Variants in STK31 observed in about 807,000 individuals in gnomAD.
STK31 encodes the protein serine/threonine-protein kinase 31.
STK31 carries 89 observed loss-of-function variants against 129.7 expected under a neutral mutation model. The ratio of observed to expected loss-of-function variants is 0.69; its 90% CI spans 0.58 to 0.82. The LOEUF (loss-of-function observed/expected upper bound fraction) is 0.82. STK31 is among the 40% of genes least tolerant of loss of function. The pLI is 0.00. For missense variants in STK31, 1,187 were observed against 1,176.4 expected (o/e 1.01, Z -0.13); for synonymous variants, 448 against 395.3 (o/e 1.13, Z -1.58).
chr7:23,794,353 CT>C (rs1365884943), intron 22 of STK31, among the ~76,000 whole-genome samples: 1 of 152,190 alleles, frequency 6.6e-6, no homozygotes, highest in African/African-American at 2.4e-5. Flanking sequence ...TTTACTTCCC[CT>C]TCTGCCATGA....
chr7:23,810,483 G>T, intron 22 of STK31, among the ~76,000 whole-genome samples: 1 of 50,850 alleles, frequency 2.0e-5, no homozygotes, highest in East Asian at 4.1e-4. Flanking sequence ...TTCCCTTCCT[G>T]TGCATTACTT....
Position 23,723,940 on chromosome 7 carries a change from C to T in STK31, c.250-3301C>T, listed in dbSNP as rs547755456. 3.9e-5 allele frequency among the ~76,000 whole-genome samples: 6 copies of T among 152,262 alleles called. No individual in the cohort carries two copies. In the South Asian group the frequency reaches 1.2e-3, roughly 32 times the overall value. On this transcript the variant is annotated intron_variant, in intron 4 of 23. Coordinates refer to ENST00000355870, the MANE Select transcript of STK31 (RefSeq NM_031414.5). ...CTGGCGGCCAAAGAGACGGCTAATG[C>T]TCAAAATTCTCTCGGCCCGGAGGAA...
chr7:23,770,167 CTCTT>C (rs1790094648), intron 13 of STK31, among the ~76,000 whole-genome samples: 1 of 152,026 alleles, frequency 6.6e-6, no homozygotes, highest in Non-Finnish European at 1.5e-5. Context: ...AGTGGTCATC[CTCTT>C]TCTTTCTCCA....
chr7:23,787,288 G>A (rs1448879661), intron 20 of STK31, among the ~76,000 whole-genome samples: 1 of 152,146 alleles, frequency 6.6e-6, no homozygotes, highest in African/African-American at 2.4e-5. Flanking sequence ...GTCATTGTAA[G>A]TTTAGGATTA....
chr7:23,818,042 T>C (rs1262127408), intron 23 of STK31, among the ~76,000 whole-genome samples: 1 of 152,100 alleles, frequency 6.6e-6, no homozygotes, highest in African/African-American at 2.4e-5. Flanking sequence ...TACACAGTTA[T>C]CACACCTTAT....
chr7:23,762,441 A>C (rs933278101), intron 10 of STK31, among the ~76,000 whole-genome samples: 1 of 152,082 alleles, frequency 6.6e-6, no homozygotes, highest in Admixed American at 6.6e-5. Context: ...CTGGTGTTTA[A>C]GTGTATCTTG....
chr7:23,773,500 C>G (rs1309519034), intron 15 of STK31, among the ~76,000 whole-genome samples: 1 of 152,124 alleles, frequency 6.6e-6, no homozygotes, highest in African/African-American at 2.4e-5. Context: ...CTGCAGTAAA[C>G]CTACATGTGC....
At chr7:23,752,971 G>T in intron 9 of STK31, 139 bp downstream of exon 9, 1 of 614,282 alleles carries the variant, frequency 1.6e-6, no homozygotes, top group African/African-American at 1.9e-5. Context: ...GAGAAAGATA[G>T]TTATTTCTGA....
At chr7:23,776,545 T>A (rs1234184697) in intron 15 of STK31, among the ~76,000 whole-genome samples, 2 of 152,238 alleles carry the variant, frequency 1.3e-5, no homozygotes, top group African/African-American at 4.8e-5. Flanking sequence ...GACTTCTTCC[T>A]GATTTAGTCT....
chr7:23,810,283 A>G lies in STK31; in HGVS notation c.2761-4861A>G, dbSNP rs76879905. 8.2e-3 allele frequency among the ~76,000 whole-genome samples: 1,244 copies of G among 151,942 alleles called. 15 individuals carry two copies. The highest frequency in any genetic ancestry group is 0.012 in the South Asian group (59 of 4,824). ...ATCCGTTTACTCCAAAGGTACCTAC[A>G]TTGTTGAATTTGGAGTAAGTTTCTT... is the stretch of plus-strand genomic sequence containing the variant. On this transcript the variant is annotated intron_variant, in intron 22 of 23. Transcript: ENST00000355870.
At chr7:23,766,195 G>T (rs963351386) in intron 11 of STK31, among the ~76,000 whole-genome samples, 1 of 152,054 alleles carries the variant, frequency 6.6e-6, no homozygotes. Context: ...CTATAAAATA[G>T]CAAGTTCAAA....
intron 3 of STK31, among the ~76,000 whole-genome samples, chr7:23,714,624 C>T (rs1786185908): frequency 6.6e-6 from 1 of 152,096 alleles, no homozygotes; most frequent in African/African-American, 2.4e-5. Flanking sequence ...TCTTTGAAAT[C>T]CAGTGTGTAT....
intron 9 of STK31, 29 bp from the exon 10 acceptor site, chr7:23,754,286 C>G (rs1231520828): frequency 2.5e-6 from 4 of 1,594,776 alleles, no homozygotes; most frequent in Non-Finnish European, 3.4e-6. Flanking sequence ...ATTTATTGAT[C>G]TTCTTCTTTT....
intron 22 of STK31, chr7:23,811,443 C>A: frequency 3.0e-6 from 1 of 328,820 alleles, no homozygotes; most frequent in South Asian, 3.3e-5. Flanking sequence ...TGGTTCATGA[C>A]AATATCAATA....
chr7:23,808,995 G>A (rs1420233241), intron 22 of STK31, among the ~76,000 whole-genome samples: 2 of 145,402 alleles, frequency 1.4e-5, no homozygotes, highest in African/African-American at 2.5e-5. Flanking sequence ...GCATTTCTGG[G>A]TGGCAGACTT....
Position 23,785,625 on chromosome 7 carries a change from T to G in STK31, c.2274+22T>G, listed in dbSNP as rs772666672. 4.4e-6 allele frequency: 7 copies of G among 1,602,700 alleles called. No individual in the cohort carries two copies. In the East Asian group the frequency reaches 1.6e-4, roughly 36 times the overall value. On this transcript the variant is annotated intron_variant, in intron 18 of 23. Coordinates refer to ENST00000355870, the MANE Select transcript of STK31 (RefSeq NM_031414.5). ...AAAGGTAAGTCTAACTTCTTCTTACTTGTGGGAGATTCAGCAGCATAAAGG... is the reference window on the plus strand; with the variant it reads ...AAAGGTAAGTCTAACTTCTTCTTACGTGTGGGAGATTCAGCAGCATAAAGG...
intron 12 of STK31, 52 bp downstream of exon 12, chr7:23,769,226 T>C: frequency 1.4e-6 from 2 of 1,443,738 alleles, no homozygotes; most frequent in Non-Finnish European, 1.8e-6. Flanking sequence ...AGGGAATATA[T>C]ATTTTAAAAA....
In STK31 at chr7:23,735,539, G is replaced by C; in HGVS notation, c.485G>C (p.Gly162Ala). 8 of 1,590,926 alleles carry C rather than the reference G, an allele frequency of 5.0e-6. No individual in the cohort carries two copies. Among genetic ancestry groups the C allele is most frequent in the Non-Finnish European group, 6.9e-6 (8 of 1,167,780 alleles). ...SDQEVTQFDQGTTFLGSLIFE... is the reference protein window; with the variant it reads ...SDQEVTQFDQATTFLGSLIFE... ...GGTTTATGTTTTCTTCTTTCTTAGG[G>C]CACAACCTTTTTGGGGAGCTTGATT... The change falls in exon 7 of 24, where the codon GGC becomes GCC. Residue 162 changes from glycine (G) to alanine (A), a missense_variant and splice_region_variant. Around this residue, in one of 5 missense-constraint regions of STK31, gnomAD observed 103 missense variants for 110.4 expected, o/e 0.93. Transcript: ENST00000355870.
At chr7:23,772,631 C>T (rs1181858430) in intron 15 of STK31, among the ~76,000 whole-genome samples, 3 of 152,080 alleles carry the variant, frequency 2.0e-5, no homozygotes, top group South Asian at 2.1e-4. Flanking sequence ...GGTACCCCCT[C>T]GAAGGTAGCG....
Sources: allele counts gnomAD v4.1 joint callset (sites outside exome capture counted in the v4.1 genomes callset), GRCh38; gene constraint gnomAD v4.1.1; regional missense constraint gnomAD v4.1.1; transcripts MANE v1.5; gene names NCBI Gene and HGNC (gene_info 2026-07-23, HGNC 2026-07-21).